Variants in MFSD6 observed in about 807,000 individuals in gnomAD.
MFSD6 encodes the protein major facilitator superfamily domain-containing protein 6.
A neutral mutation model predicts 56.3 loss-of-function variants in MFSD6; 26 were observed. The observed-to-expected ratio is 0.46, with a 90% CI of 0.34 to 0.64. The LOEUF (loss-of-function observed/expected upper bound fraction) is 0.64, where lower values mean the gene tolerates loss of function less well. Among genes scored for constraint, MFSD6 ranks in the 30% least tolerant of loss-of-function variants. The pLI, the probability that MFSD6 is intolerant of heterozygous loss-of-function variation, is 0.01. For synonymous variants in MFSD6, 331 were observed against 366.9 expected (o/e 0.90, Z 1.12); for missense variants, 750 against 986.2 (o/e 0.76, Z 3.21).
intron 4 of MFSD6, among the ~76,000 whole-genome samples, chr2:190,486,360 G>A (rs1037872499): frequency 1.3e-5 from 2 of 152,192 alleles, no homozygotes; most frequent in African/African-American, 2.4e-5. Flanking sequence ...TGCTGAATAC[G>A]TTAGGGGAGC....
At position 190,495,900 on chromosome 2, in the gene MFSD6, A is replaced by T. The variant is rs1689645129; in HGVS notation, c.1892-1539A>T. Among the ~76,000 whole-genome samples, 2 of 152,164 alleles carry T rather than the reference A, an allele frequency of 1.3e-5. No homozygotes were observed. Among genetic ancestry groups the T allele is most frequent in the Admixed American group, 6.5e-5 (1 of 15,268 alleles). On this transcript the variant is annotated intron_variant, in intron 6 of 7. Coordinates refer to ENST00000392328, the MANE Select transcript of MFSD6 (RefSeq NM_017694.4). This position sits in a 1 kb window ranked among gnomAD's most constrained non-coding sequence, Gnocchi z 4.7. ...GAAACTTAAAATTCTAGAAGATAAC[A>T]TCAGAAAAACCCTTCTAGACATTGG...
intron 3 of MFSD6, among the ~76,000 whole-genome samples, chr2:190,460,583 CA>C (rs1386102867): frequency 6.6e-6 from 1 of 152,184 alleles, no homozygotes; most frequent in Admixed American, 6.5e-5. Flanking sequence ...AAAAATGAGC[CA>C]GCATAATATG....
chr2:190,467,734 G>T lies in MFSD6; in HGVS notation c.1533-2024G>T, dbSNP rs1311972522. Among the ~76,000 whole-genome samples the T allele has an allele frequency of 2.6e-5, 4 of 152,108 alleles. No individual in the cohort carries two copies. Among genetic ancestry groups the T allele is most frequent in the Non-Finnish European group, 5.9e-5 (4 of 68,010 alleles). ...GAACTAAGAATAATAGTTTCTACAT[G>T]TTTAAATGGTTGAAAAAAAACACAA... is the stretch of plus-strand genomic sequence containing the variant. On this transcript the variant is annotated intron_variant, in intron 3 of 7. Transcript: ENST00000392328. The surrounding 1 kb of genome is among the most constrained non-coding windows in gnomAD (Gnocchi z 5.5).
At position 190,467,002 on chromosome 2, in the gene MFSD6, C is replaced by G. The variant is rs1413642452; in HGVS notation, c.1533-2756C>G. Among the ~76,000 whole-genome samples, 1 of 152,208 alleles carries G rather than the reference C, an allele frequency of 6.6e-6. No homozygotes were observed. The highest frequency in any genetic ancestry group is 1.5e-5 in the Non-Finnish European group (1 of 68,042). The stretch of plus-strand genomic sequence containing the variant: ...GTTATTTTAAGCCAGGAGTTTTGGA[C>G]TATGGCCTGGATTGAATTACAGTTG... On this transcript the variant is annotated intron_variant, in intron 3 of 7. Coordinates refer to ENST00000392328, the MANE Select transcript of MFSD6 (RefSeq NM_017694.4). The surrounding 1 kb of genome is among the most constrained non-coding windows in gnomAD (Gnocchi z 5.5).
In MFSD6 at chr2:190,413,765, A is replaced by G. The variant is rs1288101777; in HGVS notation, c.-175-1527A>G. Among the ~76,000 whole-genome samples the G allele has an allele frequency of 2.0e-5, 3 of 152,122 alleles. No homozygotes were observed. Among genetic ancestry groups the G allele is most frequent in the Non-Finnish European group, 2.9e-5 (2 of 68,002 alleles). On this transcript the variant is annotated intron_variant, in intron 1 of 7. Coordinates refer to ENST00000392328, the MANE Select transcript of MFSD6 (RefSeq NM_017694.4). The surrounding 1 kb of genome is among the most constrained non-coding windows in gnomAD (Gnocchi z 4.1). ...CTTGTTCCACAGGCAGGTGCACTCC[A>G]CTCTGCACGGGGCCTGCTCTCTCTG...
rs1686609939 is a variant in MFSD6, at chr2:190,447,068, C to T, written c.1532+9507C>T. Among the ~76,000 whole-genome samples the T allele has an allele frequency of 6.6e-6, 1 of 151,006 alleles. No individual in the cohort carries two copies. Among genetic ancestry groups the T allele is most frequent in the South Asian group, 2.1e-4 (1 of 4,662 alleles). ...AGAGAAAACTAAAAATATGCAGTCTCTCTCTGATTCATAGGCTCAGTAAAA... is the reference window on the plus strand; with the variant it reads ...AGAGAAAACTAAAAATATGCAGTCTTTCTCTGATTCATAGGCTCAGTAAAA... On this transcript the variant is annotated intron_variant, in intron 3 of 7. Transcript: ENST00000392328. This position sits in a 1 kb window ranked among gnomAD's most constrained non-coding sequence, Gnocchi z 4.5.
Position 190,456,074 on chromosome 2 carries a change from G to C in MFSD6, c.1533-13684G>C, listed in dbSNP as rs1283066077. On this transcript the variant is annotated intron_variant, in intron 3 of 7. Coordinates refer to ENST00000392328, the MANE Select transcript of MFSD6 (RefSeq NM_017694.4). This position sits in a 1 kb window ranked among gnomAD's most constrained non-coding sequence, Gnocchi z 5.4. ...TCCTGTGTCAGCCTCTCTTGTAGCT[G>C]GGATTACAGGCATGCATCACCATGC... Among the ~76,000 whole-genome samples the C allele has an allele frequency of 1.3e-5, 2 of 150,064 alleles. No homozygotes were observed. The highest frequency in any genetic ancestry group is 1.5e-5 in the Non-Finnish European group (1 of 67,774).
At position 190,425,875 on chromosome 2, in the gene MFSD6, T is replaced by TA. The variant is rs1193630606; in HGVS notation, c.-53-10094dup. ...TTGACAATTCTTTTCTTTTAGCACT[T>TA]AAAAAAAATTGTGCCACTTCCAGTG... On this transcript the variant is annotated intron_variant, in intron 2 of 7. Transcript: ENST00000392328. This position sits in a 1 kb window ranked among gnomAD's most constrained non-coding sequence, Gnocchi z 4.3. Among the ~76,000 whole-genome samples, 2 of 152,064 alleles carry TA rather than the reference T, an allele frequency of 1.3e-5. No homozygotes were observed. The highest frequency in any genetic ancestry group is 4.8e-5 in the African/African-American group (2 of 41,426).
rs778604042 is a variant in MFSD6 at position 190,500,154 on chromosome 2, G to A, written c.2312G>A (p.Ser771Asn). ...ACGCAGACCAGCCCCGCTCACCCCA[G>A]TGTGGACCCGTGCACAGAGGAGAGT... is the stretch of plus-strand genomic sequence containing the variant. ...SQTQTSPAHP[S>N]VDPCTEESEE... The change falls in exon 8 of 8, where the codon AGT becomes AAT. Residue 771 changes from serine to asparagine, a missense_variant. Ser to Asn is a conservative substitution (Grantham distance 46). This residue lies in a region of MFSD6 where 172 missense variants were observed against 203.9 expected (regional missense o/e 0.84). Coordinates refer to ENST00000392328, the MANE Select transcript of MFSD6 (RefSeq NM_017694.4). This position sits in a 1 kb window ranked among gnomAD's most constrained non-coding sequence, Gnocchi z 5.3. The A allele has an allele frequency of 1.9e-6, 3 of 1,614,126 alleles. No homozygotes were observed. Among genetic ancestry groups the A allele is most frequent in the Admixed American group, 3.3e-5 (2 of 60,026 alleles).
chr2:190,411,716 G>A (rs1409416868), intron 1 of MFSD6: 1 of 985,262 alleles, frequency 1.0e-6, no homozygotes, highest in Non-Finnish European at 1.2e-6. Context: ...AAAGTGAAAG[G>A]TGGCATACTG....
At chr2:190,477,185 C>A (rs768777027) in intron 4 of MFSD6, 1 of 897,582 alleles carries the variant, frequency 1.1e-6, no homozygotes, top group Non-Finnish European at 1.3e-6. Flanking sequence ...GCACATGTAC[C>A]CTAAAACTTA....
chr2:190,431,077 C>G lies in MFSD6; in HGVS notation c.-53-4900C>G, dbSNP rs577238325. Among the ~76,000 whole-genome samples the G allele has an allele frequency of 5.4e-5, 7 of 130,028 alleles. No individual in the cohort carries two copies. In the South Asian group the frequency reaches 1.5e-3, roughly 28 times the overall value. 85.3% of individuals were successfully genotyped at this position (130,028 alleles called of 152,430 possible). ...CTCACCTCCCAGACGGGGTCGCAGCCGGGCAGAGGCGCTCCTCACATCCCA... is the reference window on the plus strand; with the variant it reads ...CTCACCTCCCAGACGGGGTCGCAGCGGGGCAGAGGCGCTCCTCACATCCCA... On this transcript the variant is annotated intron_variant, in intron 2 of 7. Transcript: ENST00000392328. This position sits in a 1 kb window ranked among gnomAD's most constrained non-coding sequence, Gnocchi z 4.4.
rs1687111469 is a variant in MFSD6 at position 190,457,606 on chromosome 2, A to ACTT, written c.1533-12149_1533-12147dup. On this transcript the variant is annotated intron_variant, in intron 3 of 7. Transcript: ENST00000392328. The surrounding 1 kb of genome is among the most constrained non-coding windows in gnomAD (Gnocchi z 5.1). ...GAAGTTAGGACCCCAAATCTCAGAC[A>ACTT]CTTCTGCATGTACTGGCTCAGGCAG... Among the ~76,000 whole-genome samples, 1 of 152,204 alleles carries ACTT rather than the reference A, an allele frequency of 6.6e-6. No homozygotes were observed. The highest frequency in any genetic ancestry group is 2.1e-4 in the South Asian group (1 of 4,830).
rs958336731 is a variant in MFSD6, at chr2:190,465,171, T to C, written c.1533-4587T>C. 7.2e-5 allele frequency among the ~76,000 whole-genome samples: 11 copies of C among 152,180 alleles called. No individual in the cohort carries two copies. The highest frequency in any genetic ancestry group is 1.0e-4 in the Non-Finnish European group (7 of 68,022). On this transcript the variant is annotated intron_variant, in intron 3 of 7. Coordinates refer to ENST00000392328, the MANE Select transcript of MFSD6 (RefSeq NM_017694.4). This position sits in a 1 kb window ranked among gnomAD's most constrained non-coding sequence, Gnocchi z 4.6. ...CTCCTACTCTTGTAGTTTGCTCAAA[T>C]ACAGGATAAAAAACGAGTGGCAGGT...
At chr2:190,428,780 C>A (rs1685864329) in intron 2 of MFSD6, among the ~76,000 whole-genome samples, 1 of 152,176 alleles carries the variant, frequency 6.6e-6, no homozygotes, top group South Asian at 2.1e-4. Context: ...TCAAGTGATT[C>A]TCCTGCCTCA....
rs544724622 is a variant in MFSD6 at position 190,457,251 on chromosome 2, G to T, written c.1533-12507G>T. Among the ~76,000 whole-genome samples the T allele has an allele frequency of 3.3e-5, 5 of 152,198 alleles. No homozygotes were observed. Among genetic ancestry groups the T allele is most frequent in the African/African-American group, 1.2e-4 (5 of 41,540 alleles). On this transcript the variant is annotated intron_variant, in intron 3 of 7. Coordinates refer to ENST00000392328, the MANE Select transcript of MFSD6 (RefSeq NM_017694.4). The surrounding 1 kb of genome is among the most constrained non-coding windows in gnomAD (Gnocchi z 5.1). ...ACTGGCCAACCGACTTTGTGGCCCC[G>T]GTCCACCCCTGTGGCCCTCTCCTTC...
Position 190,415,823 on chromosome 2 carries a change from A to G in MFSD6, c.-54+410A>G, listed in dbSNP as rs948279217. ...AAATGTATTATAAACCTTGAGATCT[A>G]TATTCTGGTCTCAATTGTAAACTCA... is the stretch of plus-strand genomic sequence containing the variant. On this transcript the variant is annotated intron_variant, in intron 2 of 7. Coordinates refer to ENST00000392328, the MANE Select transcript of MFSD6 (RefSeq NM_017694.4). This position sits in a 1 kb window ranked among gnomAD's most constrained non-coding sequence, Gnocchi z 4.5. Among the ~76,000 whole-genome samples the G allele has an allele frequency of 5.9e-5, 9 of 152,226 alleles. No individual in the cohort carries two copies. Among genetic ancestry groups the G allele is most frequent in the African/African-American group, 2.4e-5 (1 of 41,448 alleles).
At chr2:190,446,443 C>T (rs982619848) in intron 3 of MFSD6, among the ~76,000 whole-genome samples, 2 of 152,184 alleles carry the variant, frequency 1.3e-5, no homozygotes, top group Non-Finnish European at 2.9e-5. Context: ...ACTGCTACAG[C>T]TCCCTAGCTT....
rs1689739088 is a variant in MFSD6 at position 190,497,059 on chromosome 2, A to G, written c.1892-380A>G. Among the ~76,000 whole-genome samples, 1 of 152,218 alleles carries G rather than the reference A, an allele frequency of 6.6e-6. No individual in the cohort carries two copies. Among genetic ancestry groups the G allele is most frequent in the Admixed American group, 6.5e-5 (1 of 15,284 alleles). On this transcript the variant is annotated intron_variant, in intron 6 of 7. Coordinates refer to ENST00000392328, the MANE Select transcript of MFSD6 (RefSeq NM_017694.4). The surrounding 1 kb of genome is among the most constrained non-coding windows in gnomAD (Gnocchi z 5.2). ...CTGTTCCCCAAAAACCTGTGGGAATAAAACATTTTTTAAAAAATAACTATC... is the reference window on the plus strand; with the variant it reads ...CTGTTCCCCAAAAACCTGTGGGAATGAAACATTTTTTAAAAAATAACTATC...
Sources: gnomAD v4.1 joint callset for allele counts (sites outside exome capture counted in the v4.1 genomes callset) on GRCh38, gnomAD v4.1.1 for gene constraint, gnomAD v4.1.1 regional missense constraint, Gnocchi (gnomAD v3.1) non-coding constraint, MANE v1.5 for transcripts, NCBI Gene and HGNC (gene_info 2026-07-23, HGNC 2026-07-21) for gene names.